Variants in PDGFD observed in about 807,000 individuals in gnomAD.
PDGFD encodes the protein platelet derived growth factor D.
A neutral mutation model predicts 44.7 loss-of-function variants in PDGFD; 30 were observed. That is an observed-to-expected ratio of 0.67 (90% CI 0.50 to 0.91). The LOEUF (loss-of-function observed/expected upper bound fraction) is 0.91, where lower values mean the gene tolerates loss of function less well. Ranked by LOEUF, PDGFD falls within the 40% of genes least tolerant of loss-of-function variation. The pLI, the probability that PDGFD is intolerant of heterozygous loss-of-function variation, is 0.00. For synonymous variants in PDGFD, 173 were observed against 168.4 expected, an observed-to-expected ratio of 1.03 and a Z score of -0.21; for missense variants, 445 against 457.8, an observed-to-expected ratio of 0.97 and a Z score of 0.25.
chr11:104,025,853 C>T lies in PDGFD; in HGVS notation c.125-25598G>A, dbSNP rs1591126361. Among the ~76,000 whole-genome samples, 4 of 152,314 alleles carry T rather than the reference C, an allele frequency of 2.6e-5. No homozygotes were observed. In the South Asian group the frequency reaches 6.2e-4, roughly 24 times the overall value. On this transcript the variant is annotated intron_variant, in intron 1 of 6. Coordinates refer to ENST00000393158, the MANE Select transcript of PDGFD (RefSeq NM_025208.5). ...GCCTGTCTAAAGAACTGATGAGCTT[C>T]CAGCCTCTAGGAAGCAAAGGTAGCA...
intron 5 of PDGFD, 53 bp downstream of exon 5, chr11:103,943,399 A>T: frequency 6.6e-7 from 1 of 1,517,264 alleles, no homozygotes; most frequent in African/African-American, 1.4e-5. Flanking sequence ...CTCAGCTTGT[A>T]CTGTTAAGAT....
At chr11:103,912,414 C>T (rs9667300) in intron 6 of PDGFD, among the ~76,000 whole-genome samples, 1 of 151,344 alleles carries the variant, frequency 6.6e-6, no homozygotes, top group East Asian at 2.0e-4. Context: ...AAATCCTCTA[C>T]AGAGAAGCAA....
intron 1 of PDGFD, among the ~76,000 whole-genome samples, chr11:104,098,597 C>T (rs1345150424): frequency 6.6e-6 from 1 of 151,748 alleles, no homozygotes; most frequent in Non-Finnish European, 1.5e-5. Flanking sequence ...CAGCCTCAAC[C>T]TCCCAGCCTC....
At chr11:104,149,151 C>T (rs958693653) in intron 1 of PDGFD, among the ~76,000 whole-genome samples, 3 of 152,130 alleles carry the variant, frequency 2.0e-5, no homozygotes, top group African/African-American at 7.2e-5. Flanking sequence ...TCCTAAACTC[C>T]AAATTTCCAG....
chr11:104,085,715 T>C (rs1861119287), intron 1 of PDGFD, among the ~76,000 whole-genome samples: 1 of 152,304 alleles, frequency 6.6e-6, no homozygotes, highest in Middle Eastern at 3.4e-3. Flanking sequence ...TTTTTGCACA[T>C]CTTTTCAATG....
At chr11:103,967,823 T>C (rs1476131031) in intron 3 of PDGFD, among the ~76,000 whole-genome samples, 1 of 152,190 alleles carries the variant, frequency 6.6e-6, no homozygotes, top group African/African-American at 2.4e-5. Context: ...GTCTCTACCA[T>C]CTTAAAATAT....
intron 1 of PDGFD, among the ~76,000 whole-genome samples, chr11:104,022,807 A>C (rs1041498026): frequency 1.3e-5 from 2 of 152,084 alleles, no homozygotes; most frequent in Non-Finnish European, 2.9e-5. Flanking sequence ...ACATAGATAT[A>C]TATGTATATA....
chr11:104,024,041 C>CCATA (rs780044530), intron 1 of PDGFD, among the ~76,000 whole-genome samples: 1 of 152,092 alleles, frequency 6.6e-6, no homozygotes, highest in Non-Finnish European at 1.5e-5. Flanking sequence ...TAAACATATG[C>CCATA]CATACATGTA....
intron 1 of PDGFD, among the ~76,000 whole-genome samples, chr11:104,106,603 A>G (rs983278101): frequency 3.9e-5 from 6 of 152,202 alleles, no homozygotes; most frequent in Non-Finnish European, 8.8e-5. Flanking sequence ...TGTTGTATAC[A>G]GGAAGCTAAA....
rs749033349 is a variant in PDGFD at position 104,037,202 on chromosome 11, G to T, written c.125-36947C>A. 2.5e-6 allele frequency: 4 copies of T among 1,613,712 alleles called. No individual in the cohort carries two copies. In the South Asian group the frequency reaches 3.3e-5, roughly 13 times the overall value. ...ACACCCGCTGCCCAGCGGTCACAGG[G>T]CTTGGCGTCAGGAGAGAAGGTGGCC... is the stretch of plus-strand genomic sequence containing the variant. On this transcript the variant is annotated intron_variant, in intron 1 of 6. Transcript: ENST00000393158.
At chr11:104,027,548 T>A (rs1449462538) in intron 1 of PDGFD, among the ~76,000 whole-genome samples, 1 of 152,208 alleles carries the variant, frequency 6.6e-6, no homozygotes, top group Non-Finnish European at 1.5e-5. Context: ...GAGGCTCGGA[T>A]AAATTAATGC....
chr11:104,118,833 A>AATATATAATATATTATATATTATAAT (rs1861686405), intron 1 of PDGFD, among the ~76,000 whole-genome samples: 1 of 35,720 alleles, frequency 2.8e-5, no homozygotes, highest in African/African-American at 1.0e-4. Flanking sequence ...TATAAATATT[A>AATATATAATATATTATATATTATAAT]ATATATAATA....
At chr11:104,039,529 C>T (rs550516778) in intron 1 of PDGFD, among the ~76,000 whole-genome samples, 105 of 152,200 alleles carry the variant, frequency 6.9e-4, no homozygotes, top group African/African-American at 2.3e-3. Flanking sequence ...GTTCACCTCC[C>T]ATTTTTCTTC....
At chr11:104,145,852 T>G (rs1298209233) in intron 1 of PDGFD, among the ~76,000 whole-genome samples, 1 of 152,186 alleles carries the variant, frequency 6.6e-6, no homozygotes, top group African/African-American at 2.4e-5. Flanking sequence ...GGACACGTGT[T>G]CTTTTAAGAA....
chr11:104,057,204 G>C (rs996838747), intron 1 of PDGFD, among the ~76,000 whole-genome samples: 3 of 152,084 alleles, frequency 2.0e-5, no homozygotes, highest in Non-Finnish European at 2.9e-5. Context: ...CCTGAAGGTA[G>C]AAAACTACAC....
At chr11:104,014,818 A>T (rs1184854933) in intron 1 of PDGFD, among the ~76,000 whole-genome samples, 1 of 152,220 alleles carries the variant, frequency 6.6e-6, no homozygotes, top group East Asian at 1.9e-4. Flanking sequence ...AATAATAATC[A>T]AATAGTCTCT....
intron 1 of PDGFD, among the ~76,000 whole-genome samples, chr11:104,141,128 C>T (rs1427757173): frequency 6.6e-6 from 1 of 152,186 alleles, no homozygotes; most frequent in East Asian, 1.9e-4. Context: ...CTTCTCTTTC[C>T]TGCCTTACAT....
chr11:104,031,309 C>T (rs1442908484), intron 1 of PDGFD, among the ~76,000 whole-genome samples: 1 of 152,082 alleles, frequency 6.6e-6, no homozygotes, highest in African/African-American at 2.4e-5. Context: ...AAACAAACAA[C>T]CCCATTAAAA....
At position 103,943,724 on chromosome 11, in the gene PDGFD, C is replaced by T. The variant is rs371269531; in HGVS notation, c.574-74G>A. On this transcript the variant is annotated intron_variant, in intron 4 of 6. Coordinates refer to ENST00000393158, the MANE Select transcript of PDGFD (RefSeq NM_025208.5). ...GAAATACAACAGTCATTCAACTATACGGAAGGAACATAAACAGGCTTCTGA... is the reference window on the plus strand; with the variant it reads ...GAAATACAACAGTCATTCAACTATATGGAAGGAACATAAACAGGCTTCTGA... The T allele has an allele frequency of 1.2e-3, 1,530 of 1,287,038 alleles. 7 individuals carry two copies. The highest frequency in any genetic ancestry group is 3.4e-3 in the African/African-American group (228 of 67,920). 79.7% of individuals were successfully genotyped at this position (1,287,038 alleles called of 1,614,324 possible). A position where few individuals can be genotyped will look rare whatever the true frequency, so the allele number is the denominator to read the frequency against.
Sources: allele counts gnomAD v4.1 joint callset (sites outside exome capture counted in the v4.1 genomes callset), GRCh38; gene constraint gnomAD v4.1.1; transcripts MANE v1.5; gene names NCBI Gene and HGNC (gene_info 2026-07-23, HGNC 2026-07-21).